The following GALNS variants were observed in gnomAD, a reference collection of about 807,000 sequenced individuals.
GALNS encodes galactosamine (N-acetyl)-6-sulfatase.
GALNS carries 65 observed loss-of-function variants against 65.9 expected under a neutral mutation model. That is an observed-to-expected ratio of 0.99 (90% CI 0.81 to 1.21). GALNS has a LOEUF of 1.21. GALNS is among the 50% of genes most tolerant of loss of function. The pLI is 0.00. For missense variants in GALNS, 776 were observed against 700.7 expected (o/e 1.11, Z -1.21); for synonymous variants, 346 against 288.9 (o/e 1.20, Z -2.00).
At chr16:88,855,029 A>G (rs1324602394) in intron 1 of GALNS, 4 of 346,112 alleles carry the variant, frequency 1.2e-5, no homozygotes, top group Non-Finnish European at 2.3e-5. Flanking sequence ...TCCACCCTGC[A>G]CGGCCTGAAC....
chr16:88,816,027 C>T, intron 13 of GALNS: 1 of 985,388 alleles, frequency 1.0e-6, no homozygotes, highest in Non-Finnish European at 1.2e-6. Flanking sequence ...GGCCCCCAGG[C>T]TTCACACGCG....
intron 13 of GALNS, chr16:88,816,065 C>G: frequency 3.0e-6 from 3 of 985,458 alleles, no homozygotes; most frequent in Non-Finnish European, 2.4e-6. Flanking sequence ...CATGGCTCTG[C>G]TCACGGTGGC....
intron 6 of GALNS, 98 bp downstream of exon 6, chr16:88,836,103 T>C (rs1912110938): frequency 1.6e-6 from 2 of 1,228,622 alleles, no homozygotes; most frequent in Non-Finnish European, 2.3e-6. Context: ...CGGGGTGAGG[T>C]TGATGCATTC....
At chr16:88,819,250 T>C (rs1432613356) in intron 12 of GALNS, among the ~76,000 whole-genome samples, 1 of 138,184 alleles carries the variant, frequency 7.2e-6, no homozygotes, top group Non-Finnish European at 1.5e-5. Flanking sequence ...TGCTTAGGCC[T>C]CAGGCCTGGG....
At chr16:88,842,127 TCCA>T in intron 2 of GALNS, 156 bp from the exon 3 acceptor site, 1 of 732,666 alleles carries the variant, frequency 1.4e-6, no homozygotes. Flanking sequence ...CGTTAGCGTC[TCCA>T]CCACCTGGGT....
rs1722548649 is a variant in GALNS at position 88,817,477 on chromosome 16, C to T, written c.1482+530G>A. ...TGGGGCTGGCCCAGCATGAAGGAGGCACAAATGAGAACCTCGCAGGTGGGC... is the reference window on the plus strand; with the variant it reads ...TGGGGCTGGCCCAGCATGAAGGAGGTACAAATGAGAACCTCGCAGGTGGGC... On this transcript the variant is annotated intron_variant, in intron 13 of 13. Coordinates refer to ENST00000268695, the MANE Select transcript of GALNS (RefSeq NM_000512.5). The T allele has an allele frequency of 1.4e-5, 14 of 985,294 alleles. No individual in the cohort carries two copies. The South Asian group carries it at 5.6e-4, about 40-fold the overall frequency. 61.0% of individuals were successfully genotyped at this position (985,294 alleles called of 1,614,324 possible).
intron 11 of GALNS, 93 bp downstream of exon 11, chr16:88,824,674 C>T (rs951847348): frequency 2.0e-5 from 21 of 1,044,930 alleles, no homozygotes; most frequent in Non-Finnish European, 3.0e-5. Flanking sequence ...GCCTGTCTCA[C>T]CCTCCTGTGC....
chr16:88,840,263 G>A (rs143140642), intron 4 of GALNS: 221 of 154,472 alleles, frequency 1.4e-3, no homozygotes, highest in Middle Eastern at 3.4e-3. Context: ...CCATCTGAAG[G>A]GGACCGGCAG....
In GALNS at chr16:88,838,140, C is replaced by T. The variant is rs532155969; in HGVS notation, c.423-375G>A. On this transcript the variant is annotated intron_variant, in intron 4 of 13. Coordinates refer to ENST00000268695, the MANE Select transcript of GALNS (RefSeq NM_000512.5). ...TTTCTGAACTCCCAGGAGAGTTTTGCGGGTCATGCCTCGAACCCAAGTGTG... is the reference window on the plus strand; with the variant it reads ...TTTCTGAACTCCCAGGAGAGTTTTGTGGGTCATGCCTCGAACCCAAGTGTG... Among the ~76,000 whole-genome samples, 8 of 152,266 alleles carry T rather than the reference C, an allele frequency of 5.3e-5. No individual in the cohort carries two copies. In the South Asian group the frequency reaches 8.3e-4, roughly 16 times the overall value.
intron 9 of GALNS, among the ~76,000 whole-genome samples, chr16:88,827,608 G>A (rs758133619): frequency 9.9e-5 from 15 of 152,066 alleles, no homozygotes; most frequent in Non-Finnish European, 2.1e-4. Context: ...CACTACGCCC[G>A]GCTAATTTTG....
chr16:88,828,443 A>G (rs1188294882), intron 9 of GALNS, among the ~76,000 whole-genome samples: 1 of 152,230 alleles, frequency 6.6e-6, no homozygotes, highest in African/African-American at 2.4e-5. Flanking sequence ...GACTTCACTC[A>G]GAATCCAGGG....
rs528419482 is a variant in GALNS, at chr16:88,830,488, C to A, written c.1002+1510G>T. Among the ~76,000 whole-genome samples the A allele has an allele frequency of 2.3e-3, 343 of 152,318 alleles. 5 individuals are homozygous for A. Among genetic ancestry groups the A allele is most frequent in the African/African-American group, 8.1e-3 (336 of 41,564 alleles). ...GATGTTCCAGCTGCCACTGGGAGCCCCCCCCATCCTCGTGGGGCCACTTGA... is the reference window on the plus strand; with the variant it reads ...GATGTTCCAGCTGCCACTGGGAGCCACCCCCATCCTCGTGGGGCCACTTGA... On this transcript the variant is annotated intron_variant, in intron 9 of 13. Transcript: ENST00000268695.
At chr16:88,822,253 G>A (rs752896705) in intron 12 of GALNS, among the ~76,000 whole-genome samples, 11 of 152,188 alleles carry the variant, frequency 7.2e-5, no homozygotes, top group Non-Finnish European at 1.6e-4. Flanking sequence ...TAGCTGACCT[G>A]TGTCCTTGTA....
At chr16:88,817,885 C>A (rs1909798089) in intron 13 of GALNS, 122 bp downstream of exon 13, 3 of 876,616 alleles carry the variant, frequency 3.4e-6, no homozygotes, top group Non-Finnish European at 5.5e-6. Context: ...AGGGCCTCAC[C>A]ACTGACGGAG....
chr16:88,826,821 G>A lies in GALNS; in HGVS notation c.1020C>T (p.Gly340=). The A allele has an allele frequency of 6.3e-7, 1 of 1,586,300 alleles. No homozygotes were observed. Among genetic ancestry groups the A allele is most frequent in the Non-Finnish European group, 8.6e-7 (1 of 1,167,022 alleles). ...VTAGQVSHQL[G]SIMDLFTTSL... ...TGGTGGTGAAGAGGTCCATGATGCTGCCCAGCTGGTGGCTCACCTGAAACA... is the reference window on the plus strand; with the variant it reads ...TGGTGGTGAAGAGGTCCATGATGCTACCCAGCTGGTGGCTCACCTGAAACA... The change falls in exon 10 of 14, where the codon GGC becomes GGT. Residue 340 remains glycine (G), a synonymous_variant. Coordinates refer to ENST00000268695, the MANE Select transcript of GALNS (RefSeq NM_000512.5).
Position 88,814,227 on chromosome 16 carries a change from G to T in GALNS, c.*212C>A, listed in dbSNP as rs117754023. Reference sequence around the variant, plus strand: ...CGCCGTGGGCGAGGAGGAGGGTCCTGAAATCTGAGGCGCCGTGGGCGAGGA... The same window carrying T: ...CGCCGTGGGCGAGGAGGAGGGTCCTTAAATCTGAGGCGCCGTGGGCGAGGA... On this transcript the variant is annotated 3_prime_UTR_variant, in exon 14 of 14. Transcript: ENST00000268695. The T allele has an allele frequency of 5.4e-3, 3,588 of 664,576 alleles. 19 individuals are homozygous for T. The highest frequency in any genetic ancestry group is 7.9e-3 in the Non-Finnish European group (3,012 of 382,738). The allele number at this position is 664,576 out of a possible 1,614,324, so 41.2% of individuals were successfully genotyped here.
At chr16:88,817,690 C>CCA (rs1794018183) in intron 13 of GALNS, among the ~76,000 whole-genome samples, 1 of 152,210 alleles carries the variant, frequency 6.6e-6, no homozygotes, top group East Asian at 1.9e-4. Flanking sequence ...CCCTGCTGTC[C>CCA]CTCAGTGACT....
intron 11 of GALNS, among the ~76,000 whole-genome samples, chr16:88,824,010 C>A (rs1207449478): frequency 6.6e-6 from 1 of 152,226 alleles, no homozygotes; most frequent in Non-Finnish European, 1.5e-5. Flanking sequence ...CCACGAGCAG[C>A]TTCCCTCCTC....
chr16:88,844,254 A>G (rs1181024921), intron 1 of GALNS: 1 of 152,304 alleles, frequency 6.6e-6, no homozygotes, highest in Non-Finnish European at 1.5e-5. Flanking sequence ...TGATGGCACC[A>G]GCACAGCAAA....
Sources: gnomAD v4.1 joint callset for allele counts (sites outside exome capture counted in the v4.1 genomes callset) on GRCh38, gnomAD v4.1.1 for gene constraint, MANE v1.5 for transcripts, NCBI Gene and HGNC (gene_info 2026-07-23, HGNC 2026-07-21) for gene names.